STOML3: variants seen among roughly 807,000 people sequenced by gnomAD.
STOML3 encodes the protein stomatin-like protein 3.
STOML3 carries 31 observed loss-of-function variants against 29.5 expected under a neutral mutation model. That is an observed-to-expected ratio of 1.05 (90% CI 0.79 to 1.42). STOML3 has a LOEUF of 1.42. Ranked by LOEUF, STOML3 falls within the 40% of genes most tolerant of loss-of-function variation. STOML3 has a pLI of 0.00. For missense variants in STOML3, 380 were observed against 363.0 expected, an observed-to-expected ratio of 1.05 and a Z score of -0.38; for synonymous variants, 122 against 139.8, an observed-to-expected ratio of 0.87 and a Z score of 0.90.
Position 38,980,584 on chromosome 13 carries a change from A to G in STOML3, c.53-3787T>C, listed in dbSNP as rs116673425. Among the ~76,000 whole-genome samples, 412 of 152,294 alleles carry G rather than the reference A, an allele frequency of 2.7e-3. 2 individuals are homozygous for G. The highest frequency in any genetic ancestry group is 9.4e-3 in the African/African-American group (391 of 41,546). Reference sequence around the variant, plus strand: ...ACACCTTTTTGGTCACTAAGTGATGACCACATTTGATCATCTGTTTGAACC... The same window carrying G: ...ACACCTTTTTGGTCACTAAGTGATGGCCACATTTGATCATCTGTTTGAACC... On this transcript the variant is annotated intron_variant, in intron 1 of 6. Transcript: ENST00000379631.
chr13:38,969,340 C>T lies in STOML3; in HGVS notation c.517-806G>A, dbSNP rs143536964. Among the ~76,000 whole-genome samples the T allele has an allele frequency of 2.5e-4, 38 of 152,286 alleles. No individual in the cohort carries two copies. In the East Asian group the frequency reaches 7.3e-3, roughly 29 times the overall value. On this transcript the variant is annotated intron_variant, in intron 5 of 6. Transcript: ENST00000379631. ...GGTGGGGGCAGTGATCCCTCCCTTG[C>T]CTTTCTGTGATCCCTGCAGGATATG... is the stretch of plus-strand genomic sequence containing the variant.
intron 3 of STOML3, among the ~76,000 whole-genome samples, chr13:38,976,228 T>G (rs1398549761): frequency 6.6e-6 from 1 of 152,136 alleles, no homozygotes; most frequent in African/African-American, 2.4e-5. Context: ...CTTCCCACAT[T>G]CTCCTGGTGG....
chr13:38,967,015 T>G lies in STOML3; in HGVS notation c.686A>C (p.Lys229Thr). The G allele has an allele frequency of 6.2e-7, 1 of 1,614,034 alleles. No individual in the cohort carries two copies. The highest frequency in any genetic ancestry group is 8.5e-7 in the Non-Finnish European group (1 of 1,179,982). Residue 229 changes from lysine to threonine, a missense_variant, in exon 7 of 7, where the codon AAA (lysine) becomes ACA (threonine). Coordinates refer to ENST00000379631, the MANE Select transcript of STOML3 (RefSeq NM_145286.3). ...LAAEGEMNASKSLKSASMVLA... is the reference protein window; with the variant it reads ...LAAEGEMNASTSLKSASMVLA... ...CACCATGGAGGCTGACTTCAGGGAT[T>G]TGGAAGCATTCATTTCTCCTTCAGC...
At chr13:38,980,039 A>G in intron 1 of STOML3, 1 of 1,551,608 alleles carries the variant, frequency 6.4e-7, no homozygotes, top group Non-Finnish European at 8.7e-7. Context: ...GTCACAGAGA[A>G]AATCGCACTG....
intron 1 of STOML3, among the ~76,000 whole-genome samples, chr13:38,986,843 CAGA>C (rs887720840): frequency 6.6e-6 from 1 of 152,014 alleles, no homozygotes; most frequent in African/African-American, 2.4e-5. Flanking sequence ...ATCTTAAGCC[CAGA>C]AGAGACACAG....
intron 1 of STOML3, among the ~76,000 whole-genome samples, chr13:38,985,171 C>G (rs552364185): frequency 1.3e-5 from 2 of 152,272 alleles, no homozygotes; most frequent in South Asian, 4.1e-4. Flanking sequence ...TGCCTGTAAT[C>G]CCAGCACTTT....
chr13:38,977,905 T>G (rs1235288243), intron 1 of STOML3, among the ~76,000 whole-genome samples: 2 of 148,652 alleles, frequency 1.3e-5, no homozygotes, highest in Non-Finnish European at 3.0e-5. Flanking sequence ...GACTACAGGC[T>G]CCCGCCACCA....
intron 1 of STOML3, among the ~76,000 whole-genome samples, chr13:38,985,940 G>A (rs1868513060): frequency 1.8e-5 from 1 of 54,500 alleles, no homozygotes; most frequent in South Asian, 6.8e-4. Flanking sequence ...TTTTGTTTGA[G>A]AGAGAGTCTT....
intron 4 of STOML3, among the ~76,000 whole-genome samples, chr13:38,971,240 C>T (rs1306380193): frequency 6.6e-6 from 1 of 152,082 alleles, no homozygotes; most frequent in South Asian, 2.1e-4. Context: ...GCCATGTTGG[C>T]CAGGCTGGTC....
chr13:38,980,250 G>A, intron 1 of STOML3: 1 of 961,764 alleles, frequency 1.0e-6, no homozygotes, highest in Non-Finnish European at 1.5e-6. Context: ...GGTCTCATTA[G>A]CTGCCAGTTA....
intron 1 of STOML3, among the ~76,000 whole-genome samples, chr13:38,986,035 G>GTT (rs371208112): frequency 0.015 from 1,028 of 70,642 alleles, 31 homozygotes; most frequent in African/African-American, 0.025. Context: ...TATTTACCTG[G>GTT]TTTTTTTTTT....
chr13:38,976,560 G>C lies in STOML3; in HGVS notation c.209C>G (p.Ala70Gly). 6.2e-7 allele frequency: 1 copy of C among 1,614,186 alleles called. No individual in the cohort carries two copies. The highest frequency in any genetic ancestry group is 8.5e-7 in the Non-Finnish European group (1 of 1,180,040). ...CATACCTGGCCCCTTGGCTTTGTCA[G>C]CTTGGATGCGTCCCAGACGGAATAC... ...AVVFRLGRIQ[A>G]DKAKGPGLIL... Residue 70 changes from alanine (A) to glycine (G), a missense_variant, in exon 3 of 7, where the codon GCT becomes GGT. Transcript: ENST00000379631.
At position 38,990,743 on chromosome 13, in the gene STOML3, TACTTGGCA is replaced by T. The variant is rs770448604; in HGVS notation, c.-30_-23del. 7 of 1,612,810 alleles carry T rather than the reference TACTTGGCA, an allele frequency of 4.3e-6. No homozygotes were observed. The highest frequency in any genetic ancestry group is 5.1e-6 in the Non-Finnish European group (6 of 1,179,182). On this transcript the variant is annotated 5_prime_UTR_variant, in exon 1 of 7. The change abolishes the stop of an existing upstream ORF in the 5' untranslated region. Transcript: ENST00000379631. ...CCATCTCATTCTTGAGAAGCTTTTATACTTGGCAATTTTTCATGGGTTTGGAGCTAAGT... is the reference window on the plus strand; with the variant it reads ...CCATCTCATTCTTGAGAAGCTTTTATATTTTTCATGGGTTTGGAGCTAAGT...
At chr13:38,976,930 A>G in intron 1 of STOML3, 133 bp from the exon 2 acceptor site, 1 of 694,882 alleles carries the variant, frequency 1.4e-6, no homozygotes, top group Middle Eastern at 2.9e-4. Flanking sequence ...AAATCCATTT[A>G]CACCATGGAT....
intron 5 of STOML3, among the ~76,000 whole-genome samples, chr13:38,968,748 G>A (rs1880756745): frequency 6.6e-6 from 1 of 152,018 alleles, no homozygotes; most frequent in South Asian, 2.1e-4. Context: ...TAAGAATTCA[G>A]GAATTAAATC....
At position 38,966,772 on chromosome 13, in the gene STOML3, C is replaced by G; in HGVS notation, c.*53G>C. The G allele has an allele frequency of 6.8e-7, 1 of 1,463,170 alleles. No individual in the cohort carries two copies. Among genetic ancestry groups the G allele is most frequent in the Admixed American group, 1.7e-5 (1 of 58,154 alleles). The allele number at this position is 1,463,170 out of a possible 1,614,324, so 90.6% of individuals were successfully genotyped here. ...TCACCGTTTCTAACTACTGGCTTCT[C>G]CATAGGAATAGACACCACTCTCTAT... On this transcript the variant is annotated 3_prime_UTR_variant, in exon 7 of 7. Transcript: ENST00000379631.
chr13:38,975,336 A>C (rs184571295), intron 3 of STOML3, among the ~76,000 whole-genome samples: 239 of 147,974 alleles, frequency 1.6e-3, no homozygotes, highest in African/African-American at 5.7e-3. Flanking sequence ...AAAAAAAAGA[A>C]AAACAAAAAA....
chr13:38,984,158 G>A (rs1472765261), intron 1 of STOML3, among the ~76,000 whole-genome samples: 3 of 152,100 alleles, frequency 2.0e-5, no homozygotes, highest in South Asian at 2.1e-4. Flanking sequence ...CAAGTAGCAG[G>A]ACTTTTGATG....
At position 38,975,312 on chromosome 13, in the gene STOML3, C is replaced by T. The variant is rs1444303275; in HGVS notation, c.229+1228G>A. On this transcript the variant is annotated intron_variant, in intron 3 of 6. Coordinates refer to ENST00000379631, the MANE Select transcript of STOML3 (RefSeq NM_145286.3). Reference sequence around the variant, plus strand: ...CTCCAGCCTGGGCGACAGAGCGAGACTCTGTCTCAGAAAAAAAAAAAGAAA... The same window carrying T: ...CTCCAGCCTGGGCGACAGAGCGAGATTCTGTCTCAGAAAAAAAAAAAGAAA... Among the ~76,000 whole-genome samples the T allele has an allele frequency of 8.8e-5, 12 of 135,770 alleles. No homozygotes were observed. In the East Asian group the frequency reaches 2.6e-3, roughly 30 times the overall value. The allele number at this position is 135,770 out of a possible 152,430, so 89.1% of individuals were successfully genotyped here. A position where few individuals can be genotyped will look rare whatever the true frequency, so the allele number is the denominator to read the frequency against.
Sources: gnomAD v4.1 joint callset for allele counts (sites outside exome capture counted in the v4.1 genomes callset) on GRCh38, gnomAD v4.1.1 for gene constraint, MANE v1.5 for transcripts, NCBI Gene and HGNC (gene_info 2026-07-23, HGNC 2026-07-21) for gene names.